The following CUX1 variants were observed in gnomAD, a reference collection of about 807,000 sequenced individuals.
CUX1 encodes the protein protein CASP.
A neutral mutation model predicts 158.8 loss-of-function variants in CUX1; 31 were observed. That is an observed-to-expected ratio of 0.20 (90% CI 0.15 to 0.26). CUX1 has a LOEUF of 0.26. Among genes scored for constraint, CUX1 ranks in the 10% least tolerant of loss-of-function variants. The pLI, the probability that CUX1 is intolerant of heterozygous loss-of-function variation, is 1.00. For synonymous variants in CUX1, 879 were observed against 862.1 expected, an observed-to-expected ratio of 1.02 and a Z score of -0.34; for missense variants, 1,589 against 2,014.6, an observed-to-expected ratio of 0.79 and a Z score of 4.04.
At chr7:101,852,930 G>T (rs1001362412) in intron 1 of CUX1, among the ~76,000 whole-genome samples, 1 of 151,902 alleles carries the variant, frequency 6.6e-6, no homozygotes, top group Non-Finnish European at 1.5e-5. Flanking sequence ...CACCTGCCTC[G>T]TCCTCCCAAA....
intron 21 of CUX1, among the ~76,000 whole-genome samples, chr7:102,230,656 G>C (rs1345675816): frequency 2.0e-5 from 3 of 152,092 alleles, no homozygotes; most frequent in Non-Finnish European, 4.4e-5. Flanking sequence ...ATATCAATGA[G>C]ACCTTATATA....
intron 3 of CUX1, among the ~76,000 whole-genome samples, chr7:102,041,453 C>T (rs941433047): frequency 4.0e-5 from 6 of 150,792 alleles, no homozygotes; most frequent in Non-Finnish European, 7.4e-5. Context: ...GGGGTTTTAC[C>T]ATGTTGTTCA....
In CUX1 at chr7:102,201,245, A is replaced by G. The variant is rs1222537200; in HGVS notation, c.2063-115A>G. ...CAGGGGCCATGCTGGGGAAATACAC[A>G]GTGTGGTTCTCCCAAATAACCCACA... On this transcript the variant is annotated intron_variant, in intron 17 of 23. Coordinates refer to ENST00000292535, the MANE Select transcript of CUX1 (RefSeq NM_181552.4). The surrounding 1 kb of genome is among the most constrained non-coding windows in gnomAD (Gnocchi z 5.0). 10 of 1,436,112 alleles carry G rather than the reference A, an allele frequency of 7.0e-6. No individual in the cohort carries two copies. The highest frequency in any genetic ancestry group is 9.4e-6 in the Non-Finnish European group (10 of 1,062,816). 89.0% of individuals were successfully genotyped at this position (1,436,112 alleles called of 1,614,324 possible).
intron 1 of CUX1, among the ~76,000 whole-genome samples, chr7:101,885,998 G>A (rs1039164748): frequency 6.6e-6 from 1 of 152,286 alleles, no homozygotes; most frequent in Non-Finnish European, 1.5e-5. Flanking sequence ...AGCACATCTG[G>A]AATTCCAGCC....
At position 102,076,851 on chromosome 7, in the gene CUX1, C is replaced by CG. The variant is rs1448638278; in HGVS notation, c.268+6436dup. On this transcript the variant is annotated intron_variant, in intron 4 of 23. Coordinates refer to ENST00000292535, the MANE Select transcript of CUX1 (RefSeq NM_181552.4). ...GGGTTGAAGACCAGCCTGGGCAACA[C>CG]GGTAAAACCCCGTCTCTACAAAAGA... 2.6e-5 allele frequency among the ~76,000 whole-genome samples: 4 copies of CG among 151,502 alleles called. No individual in the cohort carries two copies. The East Asian group carries it at 7.9e-4, about 30-fold the overall frequency.
At chr7:102,200,987 A>G (rs1795359778) in intron 17 of CUX1, among the ~76,000 whole-genome samples, 1 of 131,106 alleles carries the variant, frequency 7.6e-6, no homozygotes, top group African/African-American at 2.9e-5. Context: ...TGATCGTGCC[A>G]CTGCGCTCCA....
chr7:102,177,868 C>G (rs1554512455), intron 10 of CUX1, among the ~76,000 whole-genome samples: 25 of 148,866 alleles, frequency 1.7e-4, no homozygotes, highest in Non-Finnish European at 2.2e-4. Context: ...GCTGTAAGCC[C>G]TGGGAAGACA....
intron 20 of CUX1, among the ~76,000 whole-genome samples, chr7:102,207,210 G>A (rs1200802806): frequency 6.6e-6 from 1 of 152,156 alleles, no homozygotes; most frequent in African/African-American, 2.4e-5. Context: ...GCAGGAGAGA[G>A]AAAAAGGCGA....
rs117918046 is a variant in CUX1 at position 101,955,769 on chromosome 7, A to G, written c.141+39544A>G. 9.3e-3 allele frequency among the ~76,000 whole-genome samples: 1,415 copies of G among 152,320 alleles called. 8 individuals are homozygous for G. The highest frequency in any genetic ancestry group is 0.015 in the Non-Finnish European group (1,015 of 68,012). On this transcript the variant is annotated intron_variant, in intron 2 of 23. Transcript: ENST00000292535. The stretch of plus-strand genomic sequence containing the variant: ...GAACTTGAAGAGAACATTGGCACCA[A>G]TGGTTGGACCTAGGGATTTGTAGCC...
chr7:102,020,914 C>G (rs1426586027), intron 2 of CUX1, among the ~76,000 whole-genome samples: 1 of 151,264 alleles, frequency 6.6e-6, no homozygotes, highest in Non-Finnish European at 1.5e-5. Flanking sequence ...ACAAAGTGAG[C>G]TAAGACCAGA....
At chr7:101,830,116 A>G (rs1365736344) in intron 1 of CUX1, among the ~76,000 whole-genome samples, 2 of 152,186 alleles carry the variant, frequency 1.3e-5, no homozygotes, top group Non-Finnish European at 2.9e-5. Flanking sequence ...GCCCGTAGAT[A>G]CTGATACCTG....
At chr7:102,066,193 G>A (rs1421135176) in intron 3 of CUX1, among the ~76,000 whole-genome samples, 1 of 152,000 alleles carries the variant, frequency 6.6e-6, no homozygotes, top group Non-Finnish European at 1.5e-5. Flanking sequence ...TGGTTTCCTG[G>A]TCATCTTCTT....
At chr7:101,982,292 T>C (rs1025490540) in intron 2 of CUX1, among the ~76,000 whole-genome samples, 4 of 152,240 alleles carry the variant, frequency 2.6e-5, no homozygotes, top group Non-Finnish European at 5.9e-5. Flanking sequence ...CAAGGTGTTA[T>C]GAGCTGGTAG....
intron 3 of CUX1, among the ~76,000 whole-genome samples, chr7:102,054,680 A>C (rs1211882529): frequency 6.6e-6 from 1 of 152,198 alleles, no homozygotes; most frequent in African/African-American, 2.4e-5. Context: ...CAAAGAAGCC[A>C]GCTGGGTCTA....
In CUX1 at chr7:102,200,841, G is replaced by T. The variant is rs112649289; in HGVS notation, c.2063-519G>T. Among the ~76,000 whole-genome samples the T allele has an allele frequency of 2.8e-3, 432 of 151,730 alleles. 6 individuals are homozygous for T. The highest frequency in any genetic ancestry group is 0.01 in the African/African-American group (414 of 41,346). On this transcript the variant is annotated intron_variant, in intron 17 of 23. Coordinates refer to ENST00000292535, the MANE Select transcript of CUX1 (RefSeq NM_181552.4). Reference sequence around the variant, plus strand: ...GTTCAGGAGTTTAAGACCAGCCTATGCAACACAGTGAGAGACCTTGTCTCT... The same window carrying T: ...GTTCAGGAGTTTAAGACCAGCCTATTCAACACAGTGAGAGACCTTGTCTCT...
chr7:102,261,260 G>C (rs1485214869), downstream of CUX1, among the ~76,000 whole-genome samples: 4 of 152,180 alleles, frequency 2.6e-5, no homozygotes, highest in Non-Finnish European at 4.4e-5. Context: ...TTGGGAGGCT[G>C]AGGTGGACAG....
chr7:102,260,890 G>A (rs1445670380), downstream of CUX1, among the ~76,000 whole-genome samples: 3 of 152,274 alleles, frequency 2.0e-5, no homozygotes, highest in South Asian at 2.1e-4. Context: ...TCCTCTCCAC[G>A]GTCTTAACAT....
chr7:102,092,929 AAAAG>A (rs1253469214), intron 4 of CUX1, among the ~76,000 whole-genome samples: 20 of 108,260 alleles, frequency 1.8e-4, no homozygotes, highest in East Asian at 9.8e-4. Flanking sequence ...AAAAAAAAAA[AAAAG>A]AAAGAAAGAA....
Position 102,189,820 on chromosome 7 carries a change from A to T in CUX1, c.1025A>T (p.Glu342Val). The T allele has an allele frequency of 6.2e-7, 1 of 1,614,248 alleles. No individual in the cohort carries two copies. Among genetic ancestry groups the T allele is most frequent in the Non-Finnish European group, 8.5e-7 (1 of 1,180,028 alleles). The change falls in exon 12 of 24, where the codon GAA becomes GTA. Residue 342 changes from glutamate (E) to valine (V), a missense_variant. Physicochemically the swap from Glu to Val is moderately radical, Grantham distance 121. Transcript: ENST00000292535. Reference protein sequence around the residue: ...SAKNSTLKQLEEKLKGQADYE... With the variant: ...SAKNSTLKQLVEKLKGQADYE... Reference sequence around the variant, plus strand: ...ATTCTTCTCTGTTTTCAGCAACTGGAAGAAAAACTCAAAGGCCAGGCTGAC... The same window carrying T: ...ATTCTTCTCTGTTTTCAGCAACTGGTAGAAAAACTCAAAGGCCAGGCTGAC...
Sources: allele counts gnomAD v4.1 joint callset (sites outside exome capture counted in the v4.1 genomes callset), GRCh38; gene constraint gnomAD v4.1.1; non-coding constraint Gnocchi (gnomAD v3.1); transcripts MANE v1.5; gene names NCBI Gene and HGNC (gene_info 2026-07-23, HGNC 2026-07-21).